The following C1QTNF3 variants were observed in gnomAD, a reference collection of about 807,000 sequenced individuals.
The protein encoded by C1QTNF3 is complement C1q tumor necrosis factor-related protein 3.
Under a neutral mutation model 32.6 loss-of-function variants are expected in C1QTNF3, and 26 were observed. That is an observed-to-expected ratio of 0.80 (90% CI 0.58 to 1.11). C1QTNF3 has a LOEUF of 1.11. C1QTNF3 is among the 50% of genes least tolerant of loss of function. The pLI is 0.00. For missense variants in C1QTNF3, 362 were observed against 398.2 expected (o/e 0.91, Z 0.77); for synonymous variants, 155 against 146.0 (o/e 1.06, Z -0.44).
At chr5:34,040,671 C>T (rs1421332953) in intron 1 of C1QTNF3, among the ~76,000 whole-genome samples, 1 of 152,096 alleles carries the variant, frequency 6.6e-6, no homozygotes, top group Non-Finnish European at 1.5e-5. Context: ...AAAATCTAAG[C>T]TCCTAAACCA....
At chr5:34,216,915 T>A in the C1QTNF3 span, among the ~76,000 whole-genome samples, 1 of 152,120 alleles carries the variant, frequency 6.6e-6, no homozygotes, top group Non-Finnish European at 1.5e-5. Flanking sequence ...ACATTGGGGA[T>A]AAGAAAAATC....
the C1QTNF3 span, among the ~76,000 whole-genome samples, chr5:34,057,807 G>C: frequency 6.6e-6 from 1 of 152,222 alleles, no homozygotes; most frequent in East Asian, 1.9e-4. Context: ...GTCCTGGTCT[G>C]TGAAGTAGGC....
the C1QTNF3 span, among the ~76,000 whole-genome samples, chr5:34,180,763 GT>G: frequency 1.3e-5 from 2 of 151,928 alleles, no homozygotes; most frequent in South Asian, 2.1e-4. Flanking sequence ...AGACTGTTGT[GT>G]TTTTGTTTTG....
At chr5:34,234,217 T>A in the C1QTNF3 span, among the ~76,000 whole-genome samples, 6 of 152,282 alleles carry the variant, frequency 3.9e-5, no homozygotes, top group African/African-American at 1.4e-4. Flanking sequence ...GTACACTGAA[T>A]AGCTTAAACC....
the C1QTNF3 span, chr5:34,167,874 A>G: frequency 6.6e-6 from 1 of 152,176 alleles, no homozygotes; most frequent in Non-Finnish European, 1.5e-5. Context: ...TTTCCAGAGT[A>G]TCCTGCATAA....
rs115805444 is a variant in C1QTNF3, at chr5:34,026,343, G to T, written c.701-2335C>A. On this transcript the variant is annotated intron_variant, in intron 4 of 5. Coordinates refer to ENST00000382065, the MANE Select transcript of C1QTNF3 (RefSeq NM_181435.6). Reference sequence around the variant, plus strand: ...CGTGGAAGAGCAATGCTGAAAACAAGTCCCTGTGAACAGGGCTGAGCGGAA... The same window carrying T: ...CGTGGAAGAGCAATGCTGAAAACAATTCCCTGTGAACAGGGCTGAGCGGAA... Among the ~76,000 whole-genome samples, 353 of 152,002 alleles carry T rather than the reference G, an allele frequency of 2.3e-3. 1 individual carries two copies. Among genetic ancestry groups the T allele is most frequent in the African/African-American group, 8.3e-3 (342 of 41,450 alleles).
intron 3 of C1QTNF3, among the ~76,000 whole-genome samples, chr5:34,031,868 T>A (rs375294255): frequency 9.2e-5 from 14 of 152,138 alleles, no homozygotes; most frequent in Admixed American, 5.2e-4. Context: ...AACCCACAAA[T>A]GAGAGTAACA....
At position 34,020,662 on chromosome 5, in the gene C1QTNF3, C is replaced by T. The variant is rs551906960; in HGVS notation, c.881G>A (p.Arg294Gln). 4.4e-5 allele frequency: 71 copies of T among 1,614,206 alleles called. 1 individual carries two copies. The highest frequency in any genetic ancestry group is 3.1e-4 in the African/African-American group (23 of 75,056). ...KLAKGDEVWLRMGNGALHGDH... is the reference protein window; with the variant it reads ...KLAKGDEVWLQMGNGALHGDH... ...CCCATGGAGAGCGCCATTGCCCATT[C>T]GCAGCCAAACCTCATCCCCTTTGGC... The change falls in exon 6 of 6, where the codon CGA (arginine) becomes CAA (glutamine). Residue 294 changes from arginine (R) to glutamine (Q), a missense_variant. Coordinates refer to ENST00000382065, the MANE Select transcript of C1QTNF3 (RefSeq NM_181435.6).
chr5:34,176,539 C>T, the C1QTNF3 span, among the ~76,000 whole-genome samples: 1 of 151,912 alleles, frequency 6.6e-6, no homozygotes, highest in Admixed American at 6.6e-5. Context: ...CTTACTTTTC[C>T]GTCTCTATCT....
intron 4 of C1QTNF3, among the ~76,000 whole-genome samples, chr5:34,024,961 A>G (rs1293890485): frequency 6.6e-6 from 1 of 152,246 alleles, no homozygotes; most frequent in African/African-American, 2.4e-5. Context: ...TAGCTTTAAT[A>G]GAAGATAGTT....
the C1QTNF3 span, among the ~76,000 whole-genome samples, chr5:34,069,560 G>A: frequency 6.6e-6 from 1 of 152,092 alleles, no homozygotes; most frequent in Admixed American, 6.5e-5. Context: ...ACTATGACAT[G>A]ACATTTCTCT....
chr5:34,142,532 T>A, the C1QTNF3 span, among the ~76,000 whole-genome samples: 1 of 151,798 alleles, frequency 6.6e-6, no homozygotes, highest in Non-Finnish European at 1.5e-5. Flanking sequence ...GGGGGTCACT[T>A]CTCTCCCTCT....
the C1QTNF3 span, among the ~76,000 whole-genome samples, chr5:34,122,063 G>A: frequency 1.2e-4 from 18 of 152,164 alleles, no homozygotes; most frequent in Non-Finnish European, 1.9e-4. Flanking sequence ...ATTTATTACA[G>A]CAATTCAAAC....
the C1QTNF3 span, among the ~76,000 whole-genome samples, chr5:34,091,648 C>T: frequency 1.3e-5 from 2 of 152,212 alleles, no homozygotes; most frequent in Non-Finnish European, 2.9e-5. Flanking sequence ...AACTGCAACA[C>T]CAGATGCTAG....
At chr5:34,209,059 G>A in the C1QTNF3 span, among the ~76,000 whole-genome samples, 1 of 152,120 alleles carries the variant, frequency 6.6e-6, no homozygotes, top group Non-Finnish European at 1.5e-5. Flanking sequence ...CCTATAATAC[G>A]AGGCTAGAGC....
At chr5:34,073,986 C>T in the C1QTNF3 span, among the ~76,000 whole-genome samples, 11 of 151,956 alleles carry the variant, frequency 7.2e-5, no homozygotes, top group East Asian at 3.9e-4. Flanking sequence ...TTTATTAGTT[C>T]GATAAATTGG....
At chr5:34,121,253 A>C in the C1QTNF3 span, among the ~76,000 whole-genome samples, 1 of 152,220 alleles carries the variant, frequency 6.6e-6, no homozygotes, top group Non-Finnish European at 1.5e-5. Flanking sequence ...GGCAACTGTT[A>C]TAATAACAAA....
chr5:34,062,253 C>A, the C1QTNF3 span, among the ~76,000 whole-genome samples: 1 of 152,174 alleles, frequency 6.6e-6, no homozygotes, highest in Non-Finnish European at 1.5e-5. Flanking sequence ...AAGGTGCAGT[C>A]CCATAAACAA....
the C1QTNF3 span, among the ~76,000 whole-genome samples, chr5:34,223,800 C>T: frequency 4.2e-5 from 6 of 144,396 alleles, no homozygotes; most frequent in South Asian, 2.3e-4. Flanking sequence ...GTTCTGGCCA[C>T]GGCAATTAGG....
Sources: gnomAD v4.1 joint callset for allele counts (sites outside exome capture counted in the v4.1 genomes callset) on GRCh38, gnomAD v4.1.1 for gene constraint, MANE v1.5 for transcripts, NCBI Gene and HGNC (gene_info 2026-07-23, HGNC 2026-07-21) for gene names.